The following AP1AR variants were observed in gnomAD, a reference collection of about 807,000 sequenced individuals.
AP1AR encodes AP-1 complex-associated regulatory protein.
In AP1AR, 29 loss-of-function variants were observed where a neutral mutation model predicts 46.3. The ratio of observed to expected loss-of-function variants is 0.63; its 90% CI spans 0.47 to 0.85. The LOEUF (loss-of-function observed/expected upper bound fraction) is 0.85. Ranked by LOEUF, AP1AR falls within the 40% of genes least tolerant of loss-of-function variation. AP1AR has a pLI of 0.00. For synonymous variants in AP1AR, 122 were observed against 122.9 expected (o/e 0.99, Z 0.05); for missense variants, 357 against 356.3 (o/e 1.00, Z -0.02).
intron 1 of AP1AR, among the ~76,000 whole-genome samples, chr4:112,252,215 G>T (rs1170184414): frequency 6.6e-6 from 1 of 152,120 alleles, no homozygotes; most frequent in African/African-American, 2.4e-5. Context: ...CTCCAGCTTG[G>T]GTGACAGAGT....
At position 112,268,443 on chromosome 4, in the gene AP1AR, A is replaced by C; in HGVS notation, c.*34A>C. ...TGTGTGACCTTGTTTATCAGTTATG[A>C]CCAAATGTTAAAAACCAACTAGAAT... On this transcript the variant is annotated 3_prime_UTR_variant, in exon 10 of 10. Coordinates refer to ENST00000274000, the MANE Select transcript of AP1AR (RefSeq NM_018569.6). 3.9e-6 allele frequency: 6 copies of C among 1,531,178 alleles called. No individual in the cohort carries two copies. The highest frequency in any genetic ancestry group is 5.3e-6 in the Non-Finnish European group (6 of 1,139,730). 94.8% of individuals were successfully genotyped at this position (1,531,178 alleles called of 1,614,324 possible).
chr4:112,254,853 C>CAATTTTTATTATTTTTGTTTTAG (rs1726116196), intron 3 of AP1AR, 80 bp downstream of exon 3: 1 of 692,144 alleles, frequency 1.4e-6, no homozygotes, highest in African/African-American at 1.9e-5. Flanking sequence ...ATTACGTTTA[C>CAATTTTTATTATTTTTGTTTTAG]AATTTTTATT....
chr4:112,257,408 A>G (rs1003740768), intron 3 of AP1AR, among the ~76,000 whole-genome samples: 1 of 152,206 alleles, frequency 6.6e-6, no homozygotes, highest in Non-Finnish European at 1.5e-5. Context: ...ACTGCAAAAA[A>G]ATGAGGATCA....
Position 112,272,181 on chromosome 4 carries a change from G to GGAGTT in AP1AR, c.*3773_*3777dup, listed in dbSNP as rs1430437835. The stretch of plus-strand genomic sequence containing the variant: ...AAATGGGGTAGCTGGAAGGGGATGT[G>GGAGTT]GAGTTATAGAAGGGTTTTTATTTAA... On this transcript the variant is annotated 3_prime_UTR_variant, in exon 10 of 10. Coordinates refer to ENST00000274000, the MANE Select transcript of AP1AR (RefSeq NM_018569.6). Among the ~76,000 whole-genome samples the GGAGTT allele has an allele frequency of 6.6e-6, 1 of 152,126 alleles. No individual in the cohort carries two copies. The highest frequency in any genetic ancestry group is 2.4e-5 in the African/African-American group (1 of 41,418).
chr4:112,267,468 C>T (rs1252032233), intron 9 of AP1AR, among the ~76,000 whole-genome samples: 1 of 151,790 alleles, frequency 6.6e-6, no homozygotes, highest in Non-Finnish European at 1.5e-5. Context: ...GAACAGTTTC[C>T]CATAGAAATG....
At position 112,272,491 on chromosome 4, in the gene AP1AR, A is replaced by T. The variant is rs1334244181; in HGVS notation, c.*4082A>T. Among the ~76,000 whole-genome samples the T allele has an allele frequency of 6.6e-5, 10 of 152,162 alleles. No homozygotes were observed. Among genetic ancestry groups the T allele is most frequent in the Non-Finnish European group, 2.9e-5 (2 of 68,036 alleles). On this transcript the variant is annotated 3_prime_UTR_variant, in exon 10 of 10. Coordinates refer to ENST00000274000, the MANE Select transcript of AP1AR (RefSeq NM_018569.6). ...CCCAGTAAGGGAAAATTGCCCTAAG[A>T]GAGCATGTGCATAACTTCAATCACC... is the stretch of plus-strand genomic sequence containing the variant.
chr4:112,248,374 ATAATAT>A (rs1329457052), intron 1 of AP1AR, among the ~76,000 whole-genome samples: 2 of 152,232 alleles, frequency 1.3e-5, no homozygotes, highest in Admixed American at 1.3e-4. Context: ...TACACATTAG[ATAATAT>A]TAAAGAAATT....
intron 1 of AP1AR, among the ~76,000 whole-genome samples, chr4:112,235,257 G>GT (rs1332268395): frequency 6.6e-6 from 1 of 152,094 alleles, no homozygotes; most frequent in Non-Finnish European, 1.5e-5. Context: ...TATAGACTTA[G>GT]TTTTTTCTTT....
intron 1 of AP1AR, among the ~76,000 whole-genome samples, chr4:112,239,160 T>G (rs970201464): frequency 3.9e-5 from 6 of 152,186 alleles, no homozygotes; most frequent in Admixed American, 2.0e-4. Context: ...TTTGAACTTG[T>G]GTCTCCCTAA....
intron 6 of AP1AR, 79 bp from the exon 7 acceptor site, chr4:112,264,928 CTT>C: frequency 2.0e-6 from 2 of 1,018,666 alleles, no homozygotes; most frequent in East Asian, 5.5e-5. Context: ...GAAAAAAATA[CTT>C]TTTGGTGTTG....
At position 112,232,114 on chromosome 4, in the gene AP1AR, A is replaced by C; in HGVS notation, c.23A>C (p.Gln8Pro). The change falls in exon 1 of 10, where the codon CAG (glutamine) becomes CCG (proline). Residue 8 changes from glutamine (Q) to proline (P), a missense_variant. Around this residue, in one of 2 missense-constraint regions of AP1AR, gnomAD observed 269 missense variants for 223.6 expected, o/e 1.20. Transcript: ENST00000274000. MGNCCWTQCFGLLRKEAG... is the reference protein window; with the variant it reads MGNCCWTPCFGLLRKEAG... Reference sequence around the variant, plus strand: ...GCGATGGGGAACTGCTGCTGGACGCAGTGCTTCGGACTGCTTCGCAAGGAA... The same window carrying C: ...GCGATGGGGAACTGCTGCTGGACGCCGTGCTTCGGACTGCTTCGCAAGGAA... 7.5e-7 allele frequency: 1 copy of C among 1,330,220 alleles called. No individual in the cohort carries two copies. Among genetic ancestry groups the C allele is most frequent in the East Asian group, 3.1e-5 (1 of 32,542 alleles). The allele number at this position is 1,330,220 out of a possible 1,614,324, so 82.4% of individuals were successfully genotyped here.
chr4:112,234,585 T>TA (rs1400649544), intron 1 of AP1AR, among the ~76,000 whole-genome samples: 1 of 152,226 alleles, frequency 6.6e-6, no homozygotes, highest in African/African-American at 2.4e-5. Context: ...AATACTGTTT[T>TA]AGCAGCTTCC....
chr4:112,265,009 C>A lies in AP1AR; in HGVS notation c.382C>A (p.Gln128Lys), dbSNP rs368670552. The A allele has an allele frequency of 5.6e-6, 9 of 1,596,828 alleles. No homozygotes were observed. The highest frequency in any genetic ancestry group is 4.5e-5 in the East Asian group (2 of 44,250). ...TTTTTATTACATTATGTTTCCAAAGCAAGAAAGGCAGAGAATTGTGCAGCA... is the reference window on the plus strand; with the variant it reads ...TTTTTATTACATTATGTTTCCAAAGAAAGAAAGGCAGAGAATTGTGCAGCA... The part of the protein sequence containing the change: ...RAAKQRKLLE[Q>K]ERQRIVQQYH... Residue 128 changes from glutamine (Q) to lysine (K), a missense_variant and splice_region_variant, in exon 7 of 10, where the codon CAA (glutamine) becomes AAA (lysine). Physicochemically the swap from Gln to Lys is moderately conservative, Grantham distance 53. Around this residue, in one of 2 missense-constraint regions of AP1AR, gnomAD observed 269 missense variants for 223.6 expected, o/e 1.20. Coordinates refer to ENST00000274000, the MANE Select transcript of AP1AR (RefSeq NM_018569.6).
rs984362708 is a variant in AP1AR, at chr4:112,232,158, G to A, written c.67G>A (p.Val23Ile). The A allele has an allele frequency of 1.3e-5, 17 of 1,284,814 alleles. No individual in the cohort carries two copies. Among genetic ancestry groups the A allele is most frequent in the South Asian group, 2.6e-5 (1 of 38,204 alleles). 79.6% of individuals were successfully genotyped at this position (1,284,814 alleles called of 1,614,324 possible). A position where few individuals can be genotyped will look rare whatever the true frequency, so the allele number is the denominator to read the frequency against. Residue 23 changes from valine to isoleucine, a missense_variant, in exon 1 of 10, where the codon GTA becomes ATA. Physicochemically the swap from Val to Ile is conservative, Grantham distance 29. Transcript: ENST00000274000. ...CAAGGAAGCGGGGCGGCTGCAGCGA[G>A]TAGGCGGCGGCGGAGGGTAAGCCCG... Reference protein sequence around the residue: ...LRKEAGRLQRVGGGGGSKYFR... With the variant: ...LRKEAGRLQRIGGGGGSKYFR...
At position 112,272,185 on chromosome 4, in the gene AP1AR, T is replaced by A. The variant is rs1726980808; in HGVS notation, c.*3776T>A. ...GGGGTAGCTGGAAGGGGATGTGGAG[T>A]TATAGAAGGGTTTTTATTTAAAAGA... On this transcript the variant is annotated 3_prime_UTR_variant, in exon 10 of 10. Transcript: ENST00000274000. Among the ~76,000 whole-genome samples, 1 of 151,210 alleles carries A rather than the reference T, an allele frequency of 6.6e-6. No homozygotes were observed. Among genetic ancestry groups the A allele is most frequent in the Non-Finnish European group, 1.5e-5 (1 of 67,796 alleles).
chr4:112,244,762 A>G (rs1725651801), intron 1 of AP1AR, among the ~76,000 whole-genome samples: 1 of 152,074 alleles, frequency 6.6e-6, no homozygotes, highest in African/African-American at 2.4e-5. Context: ...TTCCTATGGT[A>G]CCTCCAACAT....
intron 8 of AP1AR, among the ~76,000 whole-genome samples, chr4:112,266,226 T>C (rs1481742234): frequency 6.6e-6 from 1 of 151,844 alleles, no homozygotes; most frequent in Non-Finnish European, 1.5e-5. Flanking sequence ...AAGCATAGTA[T>C]GGTAGTGGTT....
At chr4:112,233,847 C>A (rs989465348) in intron 1 of AP1AR, among the ~76,000 whole-genome samples, 1 of 152,166 alleles carries the variant, frequency 6.6e-6, no homozygotes, top group Admixed American at 6.5e-5. Context: ...AAAACATAAG[C>A]AGGTGGAGTA....
chr4:112,238,518 A>G (rs1344805022), intron 1 of AP1AR, among the ~76,000 whole-genome samples: 14 of 152,146 alleles, frequency 9.2e-5, no homozygotes, highest in Non-Finnish European at 1.5e-5. Flanking sequence ...TTGGTTCTGC[A>G]TGTTTTTCAG....
Sources: gnomAD v4.1 joint callset for allele counts (sites outside exome capture counted in the v4.1 genomes callset) on GRCh38, gnomAD v4.1.1 for gene constraint, gnomAD v4.1.1 regional missense constraint, MANE v1.5 for transcripts, NCBI Gene and HGNC (gene_info 2026-07-23, HGNC 2026-07-21) for gene names.